Variants in NTRK2 observed in about 807,000 individuals in gnomAD.
The protein encoded by NTRK2 is neurotrophic receptor tyrosine kinase 2, also known as BDNF/NT-3 growth factors receptor.
In NTRK2, 13 loss-of-function variants were observed where a neutral mutation model predicts 94.5. The ratio of observed to expected loss-of-function variants is 0.14; its 90% CI spans 0.09 to 0.22. The LOEUF (loss-of-function observed/expected upper bound fraction) is 0.22. Among genes scored for constraint, NTRK2 ranks in the 10% least tolerant of loss-of-function variants. The pLI, the probability that NTRK2 is intolerant of heterozygous loss-of-function variation, is 1.00. For synonymous variants in NTRK2, 372 were observed against 407.4 expected (o/e 0.91, Z 1.05); for missense variants, 639 against 1,071.2 (o/e 0.60, Z 5.63).
At position 85,022,919 on chromosome 9, in the gene NTRK2, C is replaced by T. The variant is rs990501334; in HGVS notation, c.*1482C>T. ...AACCTCACCCTGAGGGCATCACATG[C>T]ACTCATGTTCAGTGTACACAGGTCA... is the stretch of plus-strand genomic sequence containing the variant. On this transcript the variant is annotated 3_prime_UTR_variant, in exon 19 of 19. Transcript: ENST00000277120. 1.3e-5 allele frequency: 3 copies of T among 233,248 alleles called. No homozygotes were observed. The highest frequency in any genetic ancestry group is 2.5e-5 in the Non-Finnish European group (3 of 118,050). The allele number at this position is 233,248 out of a possible 1,614,324, so 14.4% of individuals were successfully genotyped here. A position where few individuals can be genotyped will look rare whatever the true frequency, so the allele number is the denominator to read the frequency against.
chr9:84,704,395 A>T (rs888303901), intron 4 of NTRK2, among the ~76,000 whole-genome samples: 3 of 145,534 alleles, frequency 2.1e-5, no homozygotes, highest in African/African-American at 7.5e-5. Flanking sequence ...CGCCAGGCTA[A>T]TTTTTTTTTT....
intron 9 of NTRK2, among the ~76,000 whole-genome samples, chr9:84,733,038 G>A (rs920298569): frequency 4.6e-5 from 7 of 152,146 alleles, no homozygotes; most frequent in Non-Finnish European, 1.0e-4. Flanking sequence ...TCCCCTAGGT[G>A]TACAGGTCAA....
At chr9:84,739,050 A>T (rs977211812) in intron 9 of NTRK2, among the ~76,000 whole-genome samples, 1 of 152,088 alleles carries the variant, frequency 6.6e-6, no homozygotes, top group African/African-American at 2.4e-5. Flanking sequence ...AAATTAAATT[A>T]AATTATTTAT....
chr9:84,716,221 A>G (rs1234654355), intron 6 of NTRK2, among the ~76,000 whole-genome samples: 1 of 152,094 alleles, frequency 6.6e-6, no homozygotes. Context: ...CTTCCTATTT[A>G]TTAGGACAAT....
chr9:84,897,266 A>G (rs1374339041), intron 14 of NTRK2, among the ~76,000 whole-genome samples: 7 of 152,090 alleles, frequency 4.6e-5, no homozygotes, highest in Non-Finnish European at 1.0e-4. Context: ...CCTCCCGAGT[A>G]GCTGGGATTA....
chr9:84,674,240 G>C (rs1471866757), intron 2 of NTRK2, among the ~76,000 whole-genome samples: 1 of 152,102 alleles, frequency 6.6e-6, no homozygotes, highest in Non-Finnish European at 1.5e-5. Flanking sequence ...AGACTAATAG[G>C]GATCTTTTTT....
chr9:84,679,243 C>G (rs975245600), intron 2 of NTRK2, among the ~76,000 whole-genome samples: 3 of 152,208 alleles, frequency 2.0e-5, no homozygotes, highest in Non-Finnish European at 2.9e-5. Context: ...TTTGGCCTTT[C>G]TCTTTGCAAC....
At chr9:84,950,109 G>A (rs746491959) in intron 16 of NTRK2, among the ~76,000 whole-genome samples, 20 of 152,184 alleles carry the variant, frequency 1.3e-4, no homozygotes, top group Non-Finnish European at 2.1e-4. Context: ...GTAGGCATGA[G>A]GACTGAACTA....
At chr9:84,966,273 A>T (rs1825546548) in intron 17 of NTRK2, among the ~76,000 whole-genome samples, 1 of 152,198 alleles carries the variant, frequency 6.6e-6, no homozygotes, top group Admixed American at 6.5e-5. Flanking sequence ...CACACATCTG[A>T]ATACCCCAGA....
chr9:84,753,648 G>C (rs1419095084), intron 12 of NTRK2, among the ~76,000 whole-genome samples: 7 of 152,150 alleles, frequency 4.6e-5, no homozygotes, highest in African/African-American at 7.2e-5. Context: ...CCAGGCCCAG[G>C]CTAGGCGGCT....
intron 16 of NTRK2, among the ~76,000 whole-genome samples, chr9:84,951,518 G>A (rs1243767128): frequency 6.6e-6 from 1 of 152,034 alleles, no homozygotes; most frequent in Non-Finnish European, 1.5e-5. Flanking sequence ...GCTTCCGTGA[G>A]CTCACAGTGT....
intron 17 of NTRK2, among the ~76,000 whole-genome samples, chr9:85,015,683 C>T (rs1832141694): frequency 6.6e-6 from 1 of 152,194 alleles, no homozygotes; most frequent in South Asian, 2.1e-4. Flanking sequence ...ACACGAAGAG[C>T]ACTAGAACCA....
chr9:85,014,629 TTGAG>T (rs1419422796), intron 17 of NTRK2, among the ~76,000 whole-genome samples: 1 of 152,250 alleles, frequency 6.6e-6, no homozygotes, highest in African/African-American at 2.4e-5. Flanking sequence ...TTTGAATTTA[TTGAG>T]TAAGAAATAA....
At chr9:84,731,656 G>C (rs73472445) in intron 9 of NTRK2, among the ~76,000 whole-genome samples, 2,746 of 152,166 alleles carry the variant, frequency 0.018, 94 homozygotes, top group African/African-American at 0.063. Flanking sequence ...TTGGGATGCA[G>C]ACACTAGACG....
At chr9:84,870,140 C>CAT (rs570274539) in intron 14 of NTRK2, among the ~76,000 whole-genome samples, 18,747 of 128,910 alleles carry the variant, frequency 0.15, 1,597 homozygotes, top group Admixed American at 0.17. Flanking sequence ...CACACACACA[C>CAT]ATATATATAC....
intron 14 of NTRK2, among the ~76,000 whole-genome samples, chr9:84,883,257 T>C (rs1301251349): frequency 6.6e-6 from 1 of 152,204 alleles, no homozygotes; most frequent in Non-Finnish European, 1.5e-5. Context: ...AGAAGGACCA[T>C]GAAGCTGGGT....
At chr9:84,929,262 C>G (rs572356761) in intron 14 of NTRK2, among the ~76,000 whole-genome samples, 6 of 152,274 alleles carry the variant, frequency 3.9e-5, no homozygotes, top group South Asian at 2.1e-4. Context: ...TTTCAGGACT[C>G]TAATGTGATA....
intron 17 of NTRK2, among the ~76,000 whole-genome samples, chr9:85,008,450 A>T (rs112443723): frequency 6.6e-6 from 1 of 152,164 alleles, no homozygotes. Flanking sequence ...GCATGACTGT[A>T]TAAACACGAA....
chr9:84,876,451 A>G (rs974552874), intron 14 of NTRK2: 22 of 1,055,324 alleles, frequency 2.1e-5, no homozygotes, highest in African/African-American at 3.3e-5. Flanking sequence ...CAAAGAGTTT[A>G]CTTTTGCAAG....
Sources: allele counts gnomAD v4.1 joint callset (sites outside exome capture counted in the v4.1 genomes callset), GRCh38; gene constraint gnomAD v4.1.1; transcripts MANE v1.5; gene names NCBI Gene and HGNC (gene_info 2026-07-23, HGNC 2026-07-21).